The following RANBP17 variants were observed in gnomAD, a reference collection of about 807,000 sequenced individuals.
The protein encoded by RANBP17 is RAN binding protein 17.
In RANBP17, 158 loss-of-function variants were observed where a neutral mutation model predicts 141.2. That is an observed-to-expected ratio of 1.12 (90% CI 0.98 to 1.28). The LOEUF is 1.28. RANBP17 is among the 50% of genes most tolerant of loss of function. The probability of loss-of-function intolerance (pLI) is 0.00; values close to 1 mark genes in which losing one functional copy is unlikely to be tolerated. For missense variants in RANBP17, 1,438 were observed against 1,290.7 expected, an observed-to-expected ratio of 1.11 and a Z score of -1.75; for synonymous variants, 430 against 450.0, an observed-to-expected ratio of 0.96 and a Z score of 0.56.
intron 22 of RANBP17, among the ~76,000 whole-genome samples, chr5:171,231,666 A>G (rs1027461397): frequency 3.3e-5 from 5 of 152,188 alleles, no homozygotes; most frequent in Non-Finnish European, 7.3e-5. Flanking sequence ...AAAATACATA[A>G]TTATTTCAAA....
intron 18 of RANBP17, among the ~76,000 whole-genome samples, chr5:171,198,132 G>C (rs1174160977): frequency 6.6e-6 from 1 of 152,240 alleles, no homozygotes; most frequent in East Asian, 1.9e-4. Context: ...CATTGGGAAA[G>C]ATATTATTTC....
At chr5:170,929,169 T>C (rs558688010) in intron 12 of RANBP17, among the ~76,000 whole-genome samples, 5 of 152,270 alleles carry the variant, frequency 3.3e-5, no homozygotes, top group African/African-American at 1.2e-4. Flanking sequence ...TGTGATCATG[T>C]TGTCTGCAAA....
At chr5:170,884,404 T>A (rs1409145389) in intron 3 of RANBP17, among the ~76,000 whole-genome samples, 2 of 152,218 alleles carry the variant, frequency 1.3e-5, no homozygotes, top group Admixed American at 6.5e-5. Flanking sequence ...GTATGTTATA[T>A]GTGTTATATA....
chr5:170,938,697 A>G (rs1339672931), intron 12 of RANBP17, among the ~76,000 whole-genome samples: 1 of 152,238 alleles, frequency 6.6e-6, no homozygotes, highest in African/African-American at 2.4e-5. Flanking sequence ...TGTGTTAAAC[A>G]GTAAATTGGA....
In RANBP17 at chr5:170,968,234, T is replaced by C; in HGVS notation, c.1575-8T>C. The C allele has an allele frequency of 5.2e-6, 8 of 1,547,014 alleles. No homozygotes were observed. The highest frequency in any genetic ancestry group is 6.9e-6 in the Non-Finnish European group (8 of 1,156,972). ...TGAAGGTTTTTTTTTTATTTTCCCT[T>C]CATGAAGAGTTTTTCAGCTTATATC... On this transcript the variant is annotated splice_polypyrimidine_tract_variant and splice_region_variant and intron_variant, in intron 13 of 27. Transcript: ENST00000523189.
intron 25 of RANBP17, among the ~76,000 whole-genome samples, chr5:171,267,502 T>TG (rs1179347325): frequency 6.6e-6 from 1 of 152,136 alleles, no homozygotes; most frequent in Non-Finnish European, 1.5e-5. Flanking sequence ...GCAAATAAGT[T>TG]GCCTGCAATC....
At chr5:170,885,887 A>T (rs1414451228) in intron 3 of RANBP17, among the ~76,000 whole-genome samples, 4 of 125,974 alleles carry the variant, frequency 3.2e-5, no homozygotes, top group Non-Finnish European at 6.6e-5. Context: ...TTTTTTTGCC[A>T]CATCCACAGT....
chr5:170,875,432 C>T (rs118150089), intron 1 of RANBP17, among the ~76,000 whole-genome samples: 5,263 of 152,232 alleles, frequency 0.035, 148 homozygotes, highest in East Asian at 0.12. Context: ...GTTCCACTCT[C>T]TTTGTCTCTT....
chr5:171,133,692 T>C (rs1467886517), intron 14 of RANBP17, among the ~76,000 whole-genome samples: 1 of 152,232 alleles, frequency 6.6e-6, no homozygotes, highest in Non-Finnish European at 1.5e-5. Flanking sequence ...ATTTAGATGG[T>C]AGGAAAATTG....
At chr5:170,965,016 T>A (rs1436068279) in intron 13 of RANBP17, among the ~76,000 whole-genome samples, 1 of 152,304 alleles carries the variant, frequency 6.6e-6, no homozygotes, top group African/African-American at 2.4e-5. Flanking sequence ...TCCCACCAAC[T>A]GTGTGAAAGT....
intron 25 of RANBP17, among the ~76,000 whole-genome samples, chr5:171,289,021 C>T (rs1330420181): frequency 2.0e-5 from 3 of 152,208 alleles, no homozygotes; most frequent in Non-Finnish European, 4.4e-5. Flanking sequence ...GTTTTCTGTA[C>T]AGTGCCCTTT....
chr5:171,100,040 A>C (rs966307230), intron 14 of RANBP17, among the ~76,000 whole-genome samples: 1 of 152,164 alleles, frequency 6.6e-6, no homozygotes, highest in Admixed American at 6.5e-5. Context: ...ATCGATGTTC[A>C]TCAGGGTTAT....
chr5:171,278,753 T>C (rs1767680762), intron 25 of RANBP17, among the ~76,000 whole-genome samples: 1 of 152,216 alleles, frequency 6.6e-6, no homozygotes, highest in Non-Finnish European at 1.5e-5. Flanking sequence ...GAGACTTAAC[T>C]GCACTGCCTT....
intron 13 of RANBP17, among the ~76,000 whole-genome samples, chr5:170,964,183 A>G (rs1331392870): frequency 6.6e-6 from 1 of 152,196 alleles, no homozygotes; most frequent in East Asian, 1.9e-4. Context: ...ATAGCTATCA[A>G]AATTATAATA....
In RANBP17 at chr5:170,911,109, G is replaced by A. The variant is rs761095958; in HGVS notation, c.735G>A (p.Val245=). The stretch of plus-strand genomic sequence containing the variant: ...AATCTGCAGATGATCTTTGCACGGT[G>A]CAGATTCCAACAACTTGGAGAACAA... ...ADESADDLCT[V]QIPTTWRTIF... The change falls in exon 7 of 28, where the codon GTG becomes GTA. Residue 245 remains valine (V), a synonymous_variant. Coordinates refer to ENST00000523189, the MANE Select transcript of RANBP17 (RefSeq NM_022897.5). 3.7e-6 allele frequency: 6 copies of A among 1,611,290 alleles called. No individual in the cohort carries two copies. The Admixed American group carries it at 6.7e-5, about 18-fold the overall frequency.
chr5:171,187,350 G>A (rs1167777924), intron 18 of RANBP17, among the ~76,000 whole-genome samples: 1 of 152,006 alleles, frequency 6.6e-6, no homozygotes, highest in African/African-American at 2.4e-5. Context: ...TTATCAAAAT[G>A]TGGCCCAGAA....
chr5:171,206,317 C>G (rs991480748), intron 20 of RANBP17: 2 of 158,692 alleles, frequency 1.3e-5, no homozygotes. Flanking sequence ...AAAACAGATA[C>G]AATTCAGTAT....
chr5:171,095,282 C>T (rs1334651787), intron 14 of RANBP17, among the ~76,000 whole-genome samples: 1 of 152,106 alleles, frequency 6.6e-6, no homozygotes, highest in East Asian at 1.9e-4. Context: ...TATTATTTTA[C>T]TCTATATTTT....
At chr5:170,980,765 G>A (rs1417968596) in intron 14 of RANBP17, among the ~76,000 whole-genome samples, 1 of 152,260 alleles carries the variant, frequency 6.6e-6, no homozygotes, top group Non-Finnish European at 1.5e-5. Flanking sequence ...CTAAGGCAGT[G>A]CGGAAGGGAA....
Sources: allele counts gnomAD v4.1 joint callset (sites outside exome capture counted in the v4.1 genomes callset), GRCh38; gene constraint gnomAD v4.1.1; transcripts MANE v1.5; gene names NCBI Gene and HGNC (gene_info 2026-07-23, HGNC 2026-07-21).